SGCG: variants seen among roughly 807,000 people sequenced by gnomAD.
SGCG encodes the protein gamma-sarcoglycan.
Under a neutral mutation model 29.3 loss-of-function variants are expected in SGCG, and 26 were observed. That is an observed-to-expected ratio of 0.89 (90% CI 0.65 to 1.23). The LOEUF is 1.23. Among genes scored for constraint, SGCG ranks in the 50% most tolerant of loss-of-function variants. The probability of loss-of-function intolerance (pLI) is 0.00; values close to 1 mark genes in which losing one functional copy is unlikely to be tolerated. For missense variants in SGCG, 353 were observed against 356.0 expected (o/e 0.99, Z 0.07); for synonymous variants, 145 against 129.7 (o/e 1.12, Z -0.80).
In SGCG at chr13:23,236,116, C is replaced by G. The variant is rs189228093; in HGVS notation, c.297+1404C>G. On this transcript the variant is annotated intron_variant, in intron 3 of 7. Coordinates refer to ENST00000218867, the MANE Select transcript of SGCG (RefSeq NM_000231.3). The stretch of plus-strand genomic sequence containing the variant: ...CAGGTAAGAGCCTGATTCTGTGAGG[C>G]TTACCCTTACCTTATGTCATACACT... Among the ~76,000 whole-genome samples the G allele has an allele frequency of 1.9e-3, 286 of 152,300 alleles. 2 individuals are homozygous for G. The highest frequency in any genetic ancestry group is 6.5e-3 in the African/African-American group (272 of 41,562).
At position 23,324,600 on chromosome 13, in the gene SGCG, G is replaced by A. The variant is rs1883166047; in HGVS notation, c.*59G>A. On this transcript the variant is annotated 3_prime_UTR_variant, in exon 8 of 8. Transcript: ENST00000218867. ...CCGGCCCCAGATCCTCACACCCAGG[G>A]AGCAGCTGCACATCGTGAAAGACTG... 1.3e-5 allele frequency: 19 copies of A among 1,469,032 alleles called. No homozygotes were observed. Among genetic ancestry groups the A allele is most frequent in the Middle Eastern group, 2.4e-4 (1 of 4,226 alleles). 91.0% of individuals were successfully genotyped at this position (1,469,032 alleles called of 1,614,324 possible). A position where few individuals can be genotyped will look rare whatever the true frequency, so the allele number is the denominator to read the frequency against.
intron 7 of SGCG, among the ~76,000 whole-genome samples, chr13:23,322,936 G>T (rs1317981661): frequency 6.6e-6 from 1 of 152,012 alleles, no homozygotes; most frequent in East Asian, 1.9e-4. Context: ...CAGCAAATAG[G>T]GAATATAATA....
At chr13:23,290,697 G>A (rs17078563) in intron 5 of SGCG, among the ~76,000 whole-genome samples, 11,749 of 152,160 alleles carry the variant, frequency 0.077, 678 homozygotes, top group African/African-American at 0.16. Context: ...TGAAAAGACC[G>A]TATCAGTCCA....
intron 5 of SGCG, among the ~76,000 whole-genome samples, chr13:23,285,058 G>C (rs1233466239): frequency 1.3e-5 from 2 of 152,200 alleles, no homozygotes; most frequent in African/African-American, 4.8e-5. Context: ...CCTGCTGGGA[G>C]GTGTCTCCCA....
chr13:23,269,883 G>GT (rs140082158), intron 4 of SGCG, among the ~76,000 whole-genome samples: 43,037 of 116,944 alleles, frequency 0.37, 8,337 homozygotes, highest in Middle Eastern at 0.61. Flanking sequence ...TGTTTTTTTT[G>GT]TTTTTTTTTG....
chr13:23,255,941 A>G (rs1293293909), intron 4 of SGCG, among the ~76,000 whole-genome samples: 1 of 152,222 alleles, frequency 6.6e-6, no homozygotes, highest in Non-Finnish European at 1.5e-5. Flanking sequence ...CACAGGAGAC[A>G]GTGAACCTGC....
intron 4 of SGCG, among the ~76,000 whole-genome samples, chr13:23,270,971 C>T (rs1230838557): frequency 3.9e-5 from 6 of 152,174 alleles, no homozygotes; most frequent in African/African-American, 1.4e-4. Flanking sequence ...CCTGTAATCC[C>T]AGCACTTTCA....
chr13:23,250,503 A>G, intron 3 of SGCG, 127 bp from the exon 4 acceptor site: 1 of 653,432 alleles, frequency 1.5e-6, no homozygotes, highest in Non-Finnish European at 2.8e-6. Flanking sequence ...CCACAAATTT[A>G]TAGGATTTCC....
chr13:23,274,096 G>A (rs1880969811), intron 4 of SGCG, among the ~76,000 whole-genome samples: 1 of 152,130 alleles, frequency 6.6e-6, no homozygotes. Flanking sequence ...TGTAATTTTA[G>A]CATTAAAAAT....
chr13:23,209,904 A>G (rs1878126896), intron 2 of SGCG, among the ~76,000 whole-genome samples: 1 of 152,210 alleles, frequency 6.6e-6, no homozygotes, highest in African/African-American at 2.4e-5. Flanking sequence ...AGAAATAGAA[A>G]ACTAGTACAA....
intron 4 of SGCG, chr13:23,268,704 G>A (rs1017486308): frequency 2.0e-5 from 3 of 152,560 alleles, no homozygotes; most frequent in Non-Finnish European, 2.9e-5. Context: ...GCCTGTGGAG[G>A]AGGAGGGAGC....
intron 4 of SGCG, among the ~76,000 whole-genome samples, chr13:23,271,428 A>G (rs972178982): frequency 6.6e-6 from 1 of 152,164 alleles, no homozygotes; most frequent in Non-Finnish European, 1.5e-5. Flanking sequence ...AAAAATTGCA[A>G]ATTAATCTCA....
At chr13:23,291,730 G>A (rs1881712273) in intron 5 of SGCG, among the ~76,000 whole-genome samples, 1 of 152,046 alleles carries the variant, frequency 6.6e-6, no homozygotes, top group African/African-American at 2.4e-5. Context: ...TAAGTAATTG[G>A]CATGCATTTA....
intron 5 of SGCG, among the ~76,000 whole-genome samples, chr13:23,280,322 A>G (rs892514235): frequency 6.6e-6 from 1 of 152,216 alleles, no homozygotes; most frequent in Non-Finnish European, 1.5e-5. Context: ...TGTTAAATCT[A>G]TCCCAGTGCC....
chr13:23,324,134 C>A (rs912037661), intron 7 of SGCG, among the ~76,000 whole-genome samples: 3 of 152,174 alleles, frequency 2.0e-5, no homozygotes, highest in Non-Finnish European at 2.9e-5. Context: ...AATGACAAAC[C>A]GGAAAAGCGC....
In SGCG at chr13:23,219,140, T is replaced by C. The variant is rs533242229; in HGVS notation, c.195+15251T>C. On this transcript the variant is annotated intron_variant, in intron 2 of 7. Coordinates refer to ENST00000218867, the MANE Select transcript of SGCG (RefSeq NM_000231.3). ...TCAGCTCACTGCAAGCTCTGCCTCC[T>C]GGGTTCACGCCATTCTCTTGCCTCA... 3.9e-3 allele frequency among the ~76,000 whole-genome samples: 587 copies of C among 151,614 alleles called. 4 individuals carry two copies. Among genetic ancestry groups the C allele is most frequent in the African/African-American group, 0.013 (539 of 41,400 alleles).
chr13:23,175,955 A>AT, the SGCG span, among the ~76,000 whole-genome samples: 3 of 152,140 alleles, frequency 2.0e-5, no homozygotes, highest in Non-Finnish European at 4.4e-5. Flanking sequence ...ACATAAAATC[A>AT]TTTGATTACT....
intron 5 of SGCG, among the ~76,000 whole-genome samples, chr13:23,282,020 G>A (rs192956610): frequency 1.9e-3 from 294 of 152,282 alleles, no homozygotes; most frequent in African/African-American, 6.7e-3. Context: ...CCTCTGAGGT[G>A]CAGCTAACTA....
chr13:23,206,530 T>A (rs545943651), intron 2 of SGCG, among the ~76,000 whole-genome samples: 158 of 152,372 alleles, frequency 1.0e-3, no homozygotes, highest in South Asian at 7.7e-3. Flanking sequence ...ACGGTATTGA[T>A]ATACATTTTC....
Sources: gnomAD v4.1 joint callset for allele counts (sites outside exome capture counted in the v4.1 genomes callset) on GRCh38, gnomAD v4.1.1 for gene constraint, MANE v1.5 for transcripts, NCBI Gene and HGNC (gene_info 2026-07-23, HGNC 2026-07-21) for gene names.